The following PWWP3A variants were observed in gnomAD, a reference collection of about 807,000 sequenced individuals.
PWWP3A encodes PWWP domain-containing DNA repair factor 3A.
A neutral mutation model predicts 79.0 loss-of-function variants in PWWP3A; 53 were observed. The ratio of observed to expected loss-of-function variants is 0.67; its 90% CI spans 0.54 to 0.84. The LOEUF (loss-of-function observed/expected upper bound fraction) is 0.84, where lower values mean the gene tolerates loss of function less well. Among genes scored for constraint, PWWP3A ranks in the 40% least tolerant of loss-of-function variants. The pLI, the probability that PWWP3A is intolerant of heterozygous loss-of-function variation, is 0.00. For synonymous variants in PWWP3A, 443 were observed against 394.4 expected, an observed-to-expected ratio of 1.12 and a Z score of -1.46; for missense variants, 973 against 948.0, an observed-to-expected ratio of 1.03 and a Z score of -0.35.
Position 1,368,589 on chromosome 19 carries a change from C to T in PWWP3A, c.1423-676C>T, listed in dbSNP as rs2082178330. 1.3e-5 allele frequency among the ~76,000 whole-genome samples: 2 copies of T among 152,198 alleles called. No homozygotes were observed. Among genetic ancestry groups the T allele is most frequent in the Admixed American group, 6.5e-5 (1 of 15,286 alleles). ...GTGGCCCTCGGCTCCAGAGTCTTCC[C>T]TGGGTCATTGTGTGATGGTCGTGGC... On this transcript the variant is annotated intron_variant, in intron 9 of 13. Coordinates refer to ENST00000591337, the MANE Select transcript of PWWP3A (RefSeq NM_001369789.1). The surrounding 1 kb of genome is among the most constrained non-coding windows in gnomAD (Gnocchi z 4.7).
At chr19:1,361,080 T>A in intron 5 of PWWP3A, 48 bp downstream of exon 5, 1 of 1,376,576 alleles carries the variant, frequency 7.3e-7, no homozygotes, top group Non-Finnish European at 9.4e-7. Flanking sequence ...GGAGTCCTGC[T>A]CCTCCGCAGC....
chr19:1,376,871 C>G lies in PWWP3A; in HGVS notation c.*295C>G, dbSNP rs369411942. On this transcript the variant is annotated 3_prime_UTR_variant, in exon 14 of 14. Coordinates refer to ENST00000591337, the MANE Select transcript of PWWP3A (RefSeq NM_001369789.1). ...AGCGTATTCACTGTGCGCCAGTACTCCTGGCTGTGCTGTGGTTTCTCCCGA... is the reference window on the plus strand; with the variant it reads ...AGCGTATTCACTGTGCGCCAGTACTGCTGGCTGTGCTGTGGTTTCTCCCGA... 3.5e-6 allele frequency: 1 copy of G among 284,102 alleles called. No individual in the cohort carries two copies. The highest frequency in any genetic ancestry group is 6.5e-6 in the Non-Finnish European group (1 of 153,074). The allele number at this position is 284,102 out of a possible 1,614,324, so 17.6% of individuals were successfully genotyped here. A position where few individuals can be genotyped will look rare whatever the true frequency, so the allele number is the denominator to read the frequency against.
At chr19:1,362,789 C>A (rs1385489565) in intron 6 of PWWP3A, among the ~76,000 whole-genome samples, 1 of 152,234 alleles carries the variant, frequency 6.6e-6, no homozygotes, top group African/African-American at 2.4e-5. Flanking sequence ...GAGTGAACTG[C>A]TCCCGCGCCC....
At position 1,371,098 on chromosome 19, in the gene PWWP3A, G is replaced by A; in HGVS notation, c.1986+20G>A. On this transcript the variant is annotated intron_variant, in intron 12 of 13. Transcript: ENST00000591337. The stretch of plus-strand genomic sequence containing the variant: ...CCCGAGGTGAGCCGCGGACCGGCGT[G>A]TCACGTGGGCAGGGAGGGGCCTGCG... 1 of 1,551,276 alleles carries A rather than the reference G, an allele frequency of 6.4e-7. No individual in the cohort carries two copies. Among genetic ancestry groups the A allele is most frequent in the Non-Finnish European group, 8.7e-7 (1 of 1,147,146 alleles).
chr19:1,356,010 G>A (rs917837547), intron 1 of PWWP3A, among the ~76,000 whole-genome samples: 9 of 152,130 alleles, frequency 5.9e-5, no homozygotes. Context: ...TGCCTCTCCT[G>A]CCGAGGTCGG....
intron 6 of PWWP3A, among the ~76,000 whole-genome samples, chr19:1,363,026 A>T (rs1718901889): frequency 6.6e-6 from 1 of 152,208 alleles, no homozygotes; most frequent in Non-Finnish European, 1.5e-5. Flanking sequence ...CTAGTTTCAG[A>T]ATAATTATAG....
intron 12 of PWWP3A, chr19:1,372,175 G>A (rs902747534): frequency 2.6e-5 from 4 of 152,282 alleles, no homozygotes; most frequent in Non-Finnish European, 5.9e-5. Flanking sequence ...CCCCCTGGGG[G>A]ACACTGGCAG....
intron 6 of PWWP3A, 90 bp from the exon 7 acceptor site, chr19:1,364,419 G>A: frequency 1.1e-6 from 1 of 912,766 alleles, no homozygotes. Flanking sequence ...CGTGCTAACT[G>A]TGTTTTCTCA....
In PWWP3A at chr19:1,368,336, G is replaced by A. The variant is rs999628654; in HGVS notation, c.1423-929G>A. Among the ~76,000 whole-genome samples, 8 of 152,200 alleles carry A rather than the reference G, an allele frequency of 5.3e-5. No homozygotes were observed. Among genetic ancestry groups the A allele is most frequent in the Non-Finnish European group, 1.2e-4 (8 of 68,034 alleles). On this transcript the variant is annotated intron_variant, in intron 9 of 13. Coordinates refer to ENST00000591337, the MANE Select transcript of PWWP3A (RefSeq NM_001369789.1). This position sits in a 1 kb window ranked among gnomAD's most constrained non-coding sequence, Gnocchi z 4.7. ...GTTTATATCAAAAACCCTGGGTTCT[G>A]AGAGCACAGGGTGCCCGCTTCTTCT...
chr19:1,375,437 C>CCA (rs1350634382), intron 13 of PWWP3A, among the ~76,000 whole-genome samples: 2 of 48,764 alleles, frequency 4.1e-5, no homozygotes, highest in African/African-American at 8.4e-5. Context: ...ATATATATAG[C>CCA]CATATATATT....
chr19:1,362,879 T>A (rs941490522), intron 6 of PWWP3A, among the ~76,000 whole-genome samples: 6 of 152,108 alleles, frequency 3.9e-5, no homozygotes, highest in African/African-American at 1.4e-4. Context: ...GGACTAGAAA[T>A]GAGAGACCCA....
rs1204423646 is a variant in PWWP3A, at chr19:1,355,002, G to GGCT, written c.-201_-200insTGC. On this transcript the variant is annotated 5_prime_UTR_variant, in exon 1 of 14. Coordinates refer to ENST00000591337, the MANE Select transcript of PWWP3A (RefSeq NM_001369789.1). ...CGCGGGGAGCGGCGGCGGCGGCGGC[G>GGCT]GCGGCGGTGGCGGAGGCGGTGAGCG... 6.7e-6 allele frequency: 1 copy of GGCT among 149,828 alleles called. No individual in the cohort carries two copies. Among genetic ancestry groups the GGCT allele is most frequent in the Non-Finnish European group, 1.5e-5 (1 of 67,824 alleles). The allele number at this position is 149,828 out of a possible 1,614,324, so 9.3% of individuals were successfully genotyped here.
At chr19:1,358,863 G>A in intron 4 of PWWP3A, 1 of 430,976 alleles carries the variant, frequency 2.3e-6, no homozygotes, top group Non-Finnish European at 4.6e-6. Context: ...TCAGCCCAAG[G>A]TTTGAGAAGC....
chr19:1,370,755 C>G lies in PWWP3A; in HGVS notation c.1663C>G (p.Pro555Ala), dbSNP rs1600122710. The G allele has an allele frequency of 1.3e-6, 2 of 1,503,086 alleles. No individual in the cohort carries two copies. The highest frequency in any genetic ancestry group is 4.3e-5 in the Admixed American group (2 of 46,512). The allele number at this position is 1,503,086 out of a possible 1,614,324, so 93.1% of individuals were successfully genotyped here. ...GGGGTGCCCCCTGGGGCAGAGGCAG[C>G]CCTGCCGGAAAATGCTCCCCGACCG... ...VVGCPLGQRQ[P>A]CRKMLPDRSR... Residue 555 changes from proline to alanine, a missense_variant, in exon 12 of 14, where the codon CCC (proline) becomes GCC (alanine). Coordinates refer to ENST00000591337, the MANE Select transcript of PWWP3A (RefSeq NM_001369789.1).
chr19:1,362,462 C>T, intron 6 of PWWP3A, 111 bp downstream of exon 6: 1 of 764,860 alleles, frequency 1.3e-6, no homozygotes, highest in Admixed American at 2.7e-5. Flanking sequence ...CCTGCGAGTT[C>T]ATTTCTCTCC....
At chr19:1,371,137 A>G (rs752944204) in intron 12 of PWWP3A, 59 bp downstream of exon 12, 6 of 1,534,644 alleles carry the variant, frequency 3.9e-6, no homozygotes, top group Admixed American at 2.0e-5. Context: ...GGATTTTGCA[A>G]CTCCGCACGA....
intron 3 of PWWP3A, 62 bp from the exon 4 acceptor site, chr19:1,358,332 A>T: frequency 1.4e-6 from 2 of 1,422,204 alleles, no homozygotes; most frequent in Non-Finnish European, 2.0e-6. Context: ...AAAGGAAAAC[A>T]TGTTTGAAAA....
rs1210449930 is a variant in PWWP3A, at chr19:1,362,321, G to A, written c.1183G>A (p.Glu395Lys). The change falls in exon 6 of 14, where the codon GAG becomes AAG. Residue 395 changes from glutamate to lysine, a missense_variant. Coordinates refer to ENST00000591337, the MANE Select transcript of PWWP3A (RefSeq NM_001369789.1). ...RSILEEDEEDEEPPRVLLYHE... is the reference protein window; with the variant it reads ...RSILEEDEEDKEPPRVLLYHE... ...TATCCTGGAGGAAGACGAGGAAGAC[G>A]AGGAGCCACCAAGAGTCCTTTTATA... is the stretch of plus-strand genomic sequence containing the variant. 7 of 1,613,956 alleles carry A rather than the reference G, an allele frequency of 4.3e-6. No individual in the cohort carries two copies. The highest frequency in any genetic ancestry group is 1.1e-5 in the South Asian group (1 of 91,060).
intron 7 of PWWP3A, among the ~76,000 whole-genome samples, chr19:1,366,054 A>G (rs2082120750): frequency 1.3e-5 from 2 of 152,238 alleles, no homozygotes; most frequent in African/African-American, 2.4e-5. Context: ...TGGCAGCGGT[A>G]GCTGTGGTTC....
Sources: gnomAD v4.1 joint callset for allele counts (sites outside exome capture counted in the v4.1 genomes callset) on GRCh38, gnomAD v4.1.1 for gene constraint, Gnocchi (gnomAD v3.1) non-coding constraint, MANE v1.5 for transcripts, NCBI Gene and HGNC (gene_info 2026-07-23, HGNC 2026-07-21) for gene names.